The following RTTN variants were observed in gnomAD, a reference collection of about 807,000 sequenced individuals.
The protein encoded by RTTN is rotatin.
RTTN carries 182 observed loss-of-function variants against 269.2 expected under a neutral mutation model. The ratio of observed to expected loss-of-function variants is 0.68; its 90% confidence interval spans 0.60 to 0.76. The LOEUF (loss-of-function observed/expected upper bound fraction) is 0.76. Ranked by LOEUF, RTTN falls within the 30% of genes least tolerant of loss-of-function variation. The pLI is 0.00. For missense variants in RTTN, 2,545 were observed against 2,608.6 expected (o/e 0.98, Z 0.53); for synonymous variants, 1,006 against 963.5 (o/e 1.04, Z -0.82).
intron 30 of RTTN, among the ~76,000 whole-genome samples, chr18:70,089,039 T>C (rs1418839510): frequency 2.0e-5 from 3 of 152,166 alleles, no homozygotes; most frequent in Non-Finnish European, 4.4e-5. Flanking sequence ...GCTTCTCCAA[T>C]AATTTTCCAC....
chr18:70,082,191 T>C (rs2058587142), intron 32 of RTTN, among the ~76,000 whole-genome samples: 1 of 152,198 alleles, frequency 6.6e-6, no homozygotes. Context: ...GTTATTTAAG[T>C]GCATGAAATT....
intron 32 of RTTN, among the ~76,000 whole-genome samples, chr18:70,082,835 G>GTA (rs2058605842): frequency 6.6e-6 from 1 of 151,832 alleles, no homozygotes; most frequent in Admixed American, 6.6e-5. Flanking sequence ...GGGACTACAG[G>GTA]TGCATGCCAC....
At chr18:70,112,574 C>T (rs555081973) in intron 27 of RTTN, among the ~76,000 whole-genome samples, 3 of 149,466 alleles carry the variant, frequency 2.0e-5, no homozygotes, top group Non-Finnish European at 3.0e-5. Context: ...AAAAGAAGGG[C>T]ACTACATAAT....
chr18:70,205,358 A>G (rs1445753036), intron 1 of RTTN, 43 bp from the exon 2 acceptor site: 3 of 1,606,018 alleles, frequency 1.9e-6, no homozygotes, highest in African/African-American at 2.7e-5. Flanking sequence ...CCCGACTGCA[A>G]AGAGACTACG....
chr18:70,176,764 C>T lies in RTTN; in HGVS notation c.1387G>A (p.Glu463Lys). 1 of 1,614,128 alleles carries T rather than the reference C, an allele frequency of 6.2e-7. No homozygotes were observed. Among genetic ancestry groups the T allele is most frequent in the East Asian group, 2.2e-5 (1 of 44,864 alleles). Residue 463 changes from glutamate (E) to lysine (K), a missense_variant, in exon 11 of 49, where the codon GAG becomes AAG. Coordinates refer to ENST00000640769, the MANE Select transcript of RTTN (RefSeq NM_173630.4). Reference protein sequence around the residue: ...HKSSISLEQPEVMLVHHRMAF... With the variant: ...HKSSISLEQPKVMLVHHRMAF... ...ATTCTGTGGTGCACAAGCATCACCT[C>T]TGGCTGCTCCAAACTGATACTACTT...
At chr18:70,073,409 G>C (rs1247276994) in intron 34 of RTTN, among the ~76,000 whole-genome samples, 1 of 152,138 alleles carries the variant, frequency 6.6e-6, no homozygotes, top group Non-Finnish European at 1.5e-5. Flanking sequence ...AAAGCTGTCA[G>C]CACCACACTA....
intron 29 of RTTN, 32 bp downstream of exon 29, chr18:70,092,644 G>A (rs777265347): frequency 6.3e-7 from 1 of 1,598,578 alleles, no homozygotes; most frequent in Non-Finnish European, 8.6e-7. Flanking sequence ...TCAAGCAAAT[G>A]TTCAGAAGAT....
chr18:70,024,435 T>C (rs1341301117), intron 44 of RTTN, among the ~76,000 whole-genome samples: 2 of 152,214 alleles, frequency 1.3e-5, no homozygotes, highest in Admixed American at 1.3e-4. Flanking sequence ...TCATAATTTT[T>C]ATCCTCTCAA....
At chr18:70,107,319 A>G (rs1446140540) in intron 28 of RTTN, among the ~76,000 whole-genome samples, 1 of 152,228 alleles carries the variant, frequency 6.6e-6, no homozygotes, top group Non-Finnish European at 1.5e-5. Flanking sequence ...TCAGCTGCTC[A>G]TAAGCCTTTC....
intron 25 of RTTN, among the ~76,000 whole-genome samples, chr18:70,122,246 T>C (rs1437258923): frequency 6.6e-6 from 1 of 151,896 alleles, no homozygotes; most frequent in African/African-American, 2.4e-5. Flanking sequence ...GCCAATTTTC[T>C]AAGATTTCTT....
At chr18:70,010,261 C>G (rs1180452758) in intron 46 of RTTN, among the ~76,000 whole-genome samples, 2 of 152,162 alleles carry the variant, frequency 1.3e-5, no homozygotes, top group Non-Finnish European at 2.9e-5. Flanking sequence ...CAGAACACTC[C>G]ACCCCAAATC....
intron 7 of RTTN, among the ~76,000 whole-genome samples, chr18:70,195,593 T>C (rs1279769369): frequency 6.6e-6 from 1 of 152,216 alleles, no homozygotes; most frequent in African/African-American, 2.4e-5. Context: ...CCCAGCCTTT[T>C]AAAATAGAAG....
intron 30 of RTTN, among the ~76,000 whole-genome samples, chr18:70,090,313 A>G (rs762004287): frequency 6.6e-6 from 1 of 152,228 alleles, no homozygotes; most frequent in African/African-American, 2.4e-5. Context: ...CTACACATAC[A>G]TATCTATGGT....
chr18:70,202,058 T>C, intron 3 of RTTN, 75 bp from the exon 4 acceptor site: 1 of 813,612 alleles, frequency 1.2e-6, no homozygotes, highest in Non-Finnish European at 2.0e-6. Flanking sequence ...CTTTAAGTGG[T>C]AATGTTTTCT....
chr18:70,050,583 A>T (rs1206277161), intron 39 of RTTN, among the ~76,000 whole-genome samples: 2 of 152,228 alleles, frequency 1.3e-5, no homozygotes, highest in Non-Finnish European at 2.9e-5. Context: ...GTATATACCT[A>T]AAGTTTTATA....
intron 26 of RTTN, among the ~76,000 whole-genome samples, chr18:70,115,129 T>G (rs1236897929): frequency 6.6e-6 from 1 of 152,054 alleles, no homozygotes; most frequent in Non-Finnish European, 1.5e-5. Context: ...TGTACTCAAG[T>G]TGGATTTTAT....
At chr18:70,185,611 G>A (rs2628265) in intron 10 of RTTN, among the ~76,000 whole-genome samples, 151,140 of 152,264 alleles carry the variant, frequency 0.99, 75,017 homozygotes, top group East Asian at 1. Context: ...ATTATACTAA[G>A]GCTTCTAGCC....
rs763298107 is a variant in RTTN, at chr18:70,145,697, C to CT, written c.2395dup (p.Arg799LysfsTer8). ...TAAATCAGTAACTCTGGAGAGAACT[C>CT]TGGCGTCTATTAGAGGACGCTTTGT... On this transcript the variant is annotated frameshift_variant, in exon 18 of 49. Transcript: ENST00000640769. LOFTEE classifies it high-confidence loss of function. 9.3e-6 allele frequency: 15 copies of CT among 1,613,394 alleles called. No homozygotes were observed. Among genetic ancestry groups the CT allele is most frequent in the Non-Finnish European group, 1.3e-5 (15 of 1,179,488 alleles).
Position 70,205,221 on chromosome 18 carries a change from C to G in RTTN, c.126G>C (p.Glu42Asp). ...CCAGCAAATGAAGAAAAAGTTGCCT[C>G]TCCTGAATGAGATCAGCGTAGCAGA... ...NLICYADLIQ[E>D]RQLFLHLLEW... The change falls in exon 2 of 49, where the codon GAG becomes GAC. Residue 42 changes from glutamate to aspartate, a missense_variant. By Grantham distance (45) the Glu-to-Asp change is conservative. Coordinates refer to ENST00000640769, the MANE Select transcript of RTTN (RefSeq NM_173630.4). 3.1e-6 allele frequency: 5 copies of G among 1,614,214 alleles called. No homozygotes were observed. Among genetic ancestry groups the G allele is most frequent in the Non-Finnish European group, 4.2e-6 (5 of 1,180,044 alleles).
Sources: gnomAD v4.1 joint callset for allele counts (sites outside exome capture counted in the v4.1 genomes callset) on GRCh38, gnomAD v4.1.1 for gene constraint, MANE v1.5 for transcripts, NCBI Gene and HGNC (gene_info 2026-07-23, HGNC 2026-07-21) for gene names.